Variants in KLF12 observed in about 807,000 individuals in gnomAD.
KLF12 encodes the protein KLF transcription factor 12, also known as Krueppel-like factor 12.
KLF12 carries 9 observed loss-of-function variants against 37.8 expected under a neutral mutation model. That is an observed-to-expected ratio of 0.24 (90% CI 0.14 to 0.42). The LOEUF (loss-of-function observed/expected upper bound fraction) is 0.42. KLF12 is among the 10% of genes least tolerant of loss of function. The pLI is 1.00. For synonymous variants in KLF12, 208 were observed against 202.1 expected (o/e 1.03, Z -0.25); for missense variants, 411 against 516.0 (o/e 0.80, Z 1.97).
At chr13:73,787,703 T>G (rs958513316) in intron 5 of KLF12, among the ~76,000 whole-genome samples, 1 of 152,168 alleles carries the variant, frequency 6.6e-6, no homozygotes, top group Non-Finnish European at 1.5e-5. Flanking sequence ...CCACAGTATA[T>G]GTAGTGGGCA....
At chr13:74,221,129 G>A in the KLF12 span, among the ~76,000 whole-genome samples, 2 of 151,246 alleles carry the variant, frequency 1.3e-5, no homozygotes, top group African/African-American at 4.9e-5. Context: ...CTCAGCCTGC[G>A]GAGTAGCTGG....
chr13:74,292,291 A>C, the KLF12 span, among the ~76,000 whole-genome samples: 1 of 152,316 alleles, frequency 6.6e-6, no homozygotes, highest in East Asian at 1.9e-4. Flanking sequence ...GTAGCTTTGC[A>C]ACCTTGATCA....
intron 7 of KLF12, among the ~76,000 whole-genome samples, chr13:73,698,189 G>A (rs931351631): frequency 2.0e-5 from 3 of 151,560 alleles, no homozygotes; most frequent in African/African-American, 7.3e-5. Flanking sequence ...AGAGAGGAAA[G>A]GGGGAGGGGA....
the KLF12 span, among the ~76,000 whole-genome samples, chr13:74,152,174 G>C: frequency 3.9e-5 from 6 of 152,136 alleles, no homozygotes; most frequent in Non-Finnish European, 8.8e-5. Context: ...CAACACATTT[G>C]CTCTGATTCC....
At chr13:74,005,821 C>A (rs1414174743) in intron 1 of KLF12, among the ~76,000 whole-genome samples, 1 of 152,158 alleles carries the variant, frequency 6.6e-6, no homozygotes, top group Non-Finnish European at 1.5e-5. Flanking sequence ...TGGTTGCTAA[C>A]CTCTATAATG....
chr13:74,118,601 A>T (rs368488798), intron 1 of KLF12, among the ~76,000 whole-genome samples: 1 of 152,212 alleles, frequency 6.6e-6, no homozygotes, highest in African/African-American at 2.4e-5. Context: ...TGGTAGGTGG[A>T]GGCAATGAAA....
intron 1 of KLF12, among the ~76,000 whole-genome samples, chr13:74,017,859 A>C (rs774230897): frequency 6.6e-6 from 1 of 152,114 alleles, no homozygotes; most frequent in Non-Finnish European, 1.5e-5. Context: ...CCAGGGATGA[A>C]CTAAAGAAAG....
At chr13:73,782,427 A>T (rs1324058) in intron 5 of KLF12, among the ~76,000 whole-genome samples, 1 of 152,148 alleles carries the variant, frequency 6.6e-6, no homozygotes, top group Non-Finnish European at 1.5e-5. Flanking sequence ...TGACAGGCTA[A>T]ATGCTAAGTG....
At chr13:74,018,118 C>A (rs1346639998) in intron 1 of KLF12, among the ~76,000 whole-genome samples, 1 of 150,582 alleles carries the variant, frequency 6.6e-6, no homozygotes, top group Non-Finnish European at 1.5e-5. Flanking sequence ...AATATACACA[C>A]GATTCAGCCA....
the KLF12 span, among the ~76,000 whole-genome samples, chr13:74,204,664 G>C: frequency 0.035 from 5,393 of 152,154 alleles, 232 homozygotes; most frequent in African/African-American, 0.099. Context: ...TAAATTGTAA[G>C]CAAATTTCAG....
chr13:73,844,040 T>C (rs1359308411), intron 4 of KLF12, among the ~76,000 whole-genome samples: 2 of 152,142 alleles, frequency 1.3e-5, no homozygotes, highest in Admixed American at 1.3e-4. Flanking sequence ...ATCACTTTTG[T>C]TTCTTTCATT....
intron 2 of KLF12, among the ~76,000 whole-genome samples, chr13:73,982,838 T>C (rs556217769): frequency 1.1e-4 from 16 of 152,146 alleles, no homozygotes; most frequent in Non-Finnish European, 2.2e-4. Flanking sequence ...GAAAACTCTA[T>C]CTTAATAAAA....
chr13:74,122,751 C>T (rs1303252907), intron 1 of KLF12, among the ~76,000 whole-genome samples: 1 of 151,240 alleles, frequency 6.6e-6, no homozygotes, highest in Non-Finnish European at 1.5e-5. Context: ...TTAGGCAGCA[C>T]TGAACAAAAA....
chr13:73,856,403 A>G lies in KLF12; in HGVS notation c.124-10030T>C, dbSNP rs376882965. Reference sequence around the variant, plus strand: ...ACTGACACCAATATTATGCTACAAGATAGGAAGGTACGCGTTTTAAGGAAT... The same window carrying G: ...ACTGACACCAATATTATGCTACAAGGTAGGAAGGTACGCGTTTTAAGGAAT... On this transcript the variant is annotated intron_variant, in intron 3 of 7. Coordinates refer to ENST00000377669, the MANE Select transcript of KLF12 (RefSeq NM_007249.5). Among the ~76,000 whole-genome samples the G allele has an allele frequency of 3.9e-5, 6 of 152,214 alleles. No homozygotes were observed. The East Asian group carries it at 5.8e-4, about 15-fold the overall frequency.
chr13:74,120,701 G>A (rs990455129), intron 1 of KLF12, among the ~76,000 whole-genome samples: 1 of 151,894 alleles, frequency 6.6e-6, no homozygotes, highest in African/African-American at 2.4e-5. Context: ...GGATGGATAG[G>A]CTATAACATG....
the KLF12 span, among the ~76,000 whole-genome samples, chr13:74,239,431 G>T: frequency 3.3e-5 from 4 of 119,572 alleles, no homozygotes; most frequent in Non-Finnish European, 6.9e-5. Flanking sequence ...ATTTGGGGTG[G>T]AGAGTTCTGT....
intron 2 of KLF12, among the ~76,000 whole-genome samples, chr13:73,983,557 T>A (rs1278202773): frequency 1.3e-5 from 2 of 152,226 alleles, no homozygotes; most frequent in African/African-American, 4.8e-5. Flanking sequence ...TACAAACTAT[T>A]GCTATCATTC....
intron 1 of KLF12, among the ~76,000 whole-genome samples, chr13:73,997,999 T>C (rs1444954237): frequency 6.6e-6 from 1 of 152,238 alleles, no homozygotes; most frequent in Non-Finnish European, 1.5e-5. Context: ...TTCTCTTTAG[T>C]AGCTGCAAGC....
intron 6 of KLF12, among the ~76,000 whole-genome samples, chr13:73,745,495 T>C (rs1212508738): frequency 6.6e-6 from 1 of 152,206 alleles, no homozygotes; most frequent in Non-Finnish European, 1.5e-5. Flanking sequence ...AGGTAATTAT[T>C]ATCCTTAAAA....
Sources: allele counts gnomAD v4.1 joint callset (sites outside exome capture counted in the v4.1 genomes callset), GRCh38; gene constraint gnomAD v4.1.1; transcripts MANE v1.5; gene names NCBI Gene and HGNC (gene_info 2026-07-23, HGNC 2026-07-21).